Variants in RBM39 observed in about 807,000 individuals in gnomAD.
The protein encoded by RBM39 is RNA binding motif protein 39.
RBM39 carries 12 observed loss-of-function variants against 79.6 expected under a neutral mutation model. The ratio of observed to expected loss-of-function variants is 0.15; its 90% CI spans 0.10 to 0.24. The LOEUF (loss-of-function observed/expected upper bound fraction) is 0.24. Ranked by LOEUF, RBM39 falls within the 10% of genes least tolerant of loss-of-function variation. The pLI, the probability that RBM39 is intolerant of heterozygous loss-of-function variation, is 1.00. For missense variants in RBM39, 243 were observed against 653.4 expected (o/e 0.37, Z 6.85); for synonymous variants, 185 against 208.4 (o/e 0.89, Z 0.97).
rs1035775054 is a variant in RBM39 at position 35,713,217 on chromosome 20, T to C, written c.1097-121A>G. The C allele has an allele frequency of 6.0e-5, 46 of 764,896 alleles. No homozygotes were observed. In the Middle Eastern group the frequency reaches 1.0e-3, roughly 17 times the overall value. 47.4% of individuals were successfully genotyped at this position (764,896 alleles called of 1,614,324 possible). Reference sequence around the variant, plus strand: ...TTGCAAGGAGGGCCGAGTGTGGTGGTTGACGCCTGTAACTTAGCTAGCACT... The same window carrying C: ...TTGCAAGGAGGGCCGAGTGTGGTGGCTGACGCCTGTAACTTAGCTAGCACT... On this transcript the variant is annotated intron_variant, in intron 11 of 16. Coordinates refer to ENST00000253363, the MANE Select transcript of RBM39 (RefSeq NM_184234.3).
chr20:35,730,375 G>A (rs1456676754), intron 4 of RBM39, among the ~76,000 whole-genome samples: 1 of 152,084 alleles, frequency 6.6e-6, no homozygotes, highest in African/African-American at 2.4e-5. Context: ...TAAATACATA[G>A]TGGCCTGTGA....
At chr20:35,711,600 G>T (rs528276545) in intron 12 of RBM39, among the ~76,000 whole-genome samples, 1 of 152,168 alleles carries the variant, frequency 6.6e-6, no homozygotes, top group Non-Finnish European at 1.5e-5. Context: ...ACAATTTATA[G>T]AAAGGAAATG....
intron 4 of RBM39, chr20:35,731,636 A>G (rs902106763): frequency 2.8e-6 from 1 of 358,262 alleles, no homozygotes. Context: ...TTTGGGCACT[A>G]CAATGTCATC....
chr20:35,709,426 A>T, intron 12 of RBM39, 152 bp from the exon 13 acceptor site: 1 of 611,828 alleles, frequency 1.6e-6, no homozygotes, highest in Middle Eastern at 4.3e-4. Flanking sequence ...CTCATTGAGA[A>T]GGCTTTGGGG....
At chr20:35,728,391 CTG>C (rs1331035453) in intron 6 of RBM39, among the ~76,000 whole-genome samples, 4 of 152,168 alleles carry the variant, frequency 2.6e-5, no homozygotes, top group Admixed American at 2.0e-4. Flanking sequence ...CAAAACGTAA[CTG>C]TATTACCCAT....
chr20:35,737,204 G>A (rs949361308), intron 3 of RBM39, among the ~76,000 whole-genome samples: 5 of 151,010 alleles, frequency 3.3e-5, no homozygotes, highest in African/African-American at 4.8e-5. Flanking sequence ...AGCCTGGCCA[G>A]GATGGTGAAT....
intron 3 of RBM39, among the ~76,000 whole-genome samples, chr20:35,733,028 T>C (rs928340683): frequency 9.9e-5 from 15 of 152,258 alleles, no homozygotes; most frequent in Non-Finnish European, 1.9e-4. Flanking sequence ...TGCAGGCCAG[T>C]GCAGTGGCTC....
rs28618332 is a variant in RBM39, at chr20:35,704,641, T to C, written c.1492+27A>G. 797 of 1,611,982 alleles carry C rather than the reference T, an allele frequency of 4.9e-4. 4 individuals are homozygous for C. In the African/African-American group the frequency reaches 9.8e-3, roughly 20 times the overall value. On this transcript the variant is annotated intron_variant, in intron 16 of 16. Transcript: ENST00000253363. ...CTTCATTATAGAGCCTTAATAACAA[T>C]CAGTCAAAAAATAAATTCAAACTCA...
At chr20:35,709,057 T>C (rs1686306758) in intron 13 of RBM39, 167 bp downstream of exon 13, 1 of 500,344 alleles carries the variant, frequency 2.0e-6, no homozygotes, top group Admixed American at 3.8e-5. Flanking sequence ...GGGTTAGGTC[T>C]TCTGAAATAC....
chr20:35,726,399 C>T (rs942068878), intron 6 of RBM39, among the ~76,000 whole-genome samples: 1 of 152,086 alleles, frequency 6.6e-6, no homozygotes, highest in Admixed American at 6.6e-5. Context: ...CAAAAGTACT[C>T]GGATTGTAGG....
At position 35,725,282 on chromosome 20, in the gene RBM39, TC is replaced by T. The variant is rs1233837758; in HGVS notation, c.417-128del. On this transcript the variant is annotated intron_variant, in intron 6 of 16. Coordinates refer to ENST00000253363, the MANE Select transcript of RBM39 (RefSeq NM_184234.3). ...GTGGGTTTTGGTTACATAGATGAGT[TC>T]TTTAATGGTGAATTCTGAGATTTTA... The T allele has an allele frequency of 3.6e-5, 22 of 606,952 alleles. No individual in the cohort carries two copies. The South Asian group carries it at 3.8e-4, about 11-fold the overall frequency. The allele number at this position is 606,952 out of a possible 1,614,324, so 37.6% of individuals were successfully genotyped here.
At chr20:35,707,027 TAAAAAAAA>T (rs58614202) in intron 14 of RBM39, 85 bp downstream of exon 14, 231 of 151,882 alleles carry the variant, frequency 1.5e-3, no homozygotes, top group African/African-American at 8.0e-3. Context: ...AACTCCATCT[TAAAAAAAA>T]AAAAAAAAAA....
At chr20:35,719,289 C>G (rs1169010651) in intron 9 of RBM39, among the ~76,000 whole-genome samples, 1 of 152,116 alleles carries the variant, frequency 6.6e-6, no homozygotes, top group Non-Finnish European at 1.5e-5. Context: ...GACTCGGCCC[C>G]CAAAAGTGCA....
Position 35,724,742 on chromosome 20 carries a change from G to T in RBM39, c.535-20C>A, listed in dbSNP as rs755885356. On this transcript the variant is annotated intron_variant, in intron 7 of 16. Coordinates refer to ENST00000253363, the MANE Select transcript of RBM39 (RefSeq NM_184234.3). ...TCGAACCTAGAAAGAAAACACAGTT[G>T]TTTGTGCAAACATCCATTGTAACAC... 6.2e-7 allele frequency: 1 copy of T among 1,611,174 alleles called. No homozygotes were observed. The highest frequency in any genetic ancestry group is 1.1e-5 in the South Asian group (1 of 90,880).
intron 9 of RBM39, among the ~76,000 whole-genome samples, chr20:35,720,662 T>C (rs1416283076): frequency 1.3e-5 from 2 of 150,412 alleles, no homozygotes; most frequent in East Asian, 1.9e-4. Flanking sequence ...ACCCAACTAC[T>C]CGGAAGGCTA....
Position 35,704,752 on chromosome 20 carries a change from G to C in RBM39, c.1414-6C>G, listed in dbSNP as rs555348753. ...CACTTCACATACACATTGCCCTACA[G>C]AAAAAATGAAAAAAAAGGTAAAGAT... On this transcript the variant is annotated splice_polypyrimidine_tract_variant and splice_region_variant and intron_variant, in intron 15 of 16. Coordinates refer to ENST00000253363, the MANE Select transcript of RBM39 (RefSeq NM_184234.3). 3.7e-6 allele frequency: 6 copies of C among 1,600,344 alleles called. No homozygotes were observed. Among genetic ancestry groups the C allele is most frequent in the Non-Finnish European group, 5.1e-6 (6 of 1,175,628 alleles).
At chr20:35,716,100 C>T (rs1263124079) in intron 10 of RBM39, among the ~76,000 whole-genome samples, 2 of 151,814 alleles carry the variant, frequency 1.3e-5, no homozygotes, top group Non-Finnish European at 2.9e-5. Context: ...GAGTCTTACT[C>T]TGTTGCCCAG....
In RBM39 at chr20:35,703,941, A is replaced by G. The variant is rs1409034635; in HGVS notation, c.*540T>C. 1 of 152,708 alleles carries G rather than the reference A, an allele frequency of 6.5e-6. No homozygotes were observed. The highest frequency in any genetic ancestry group is 1.5e-5 in the Non-Finnish European group (1 of 68,370). 9.5% of individuals were successfully genotyped at this position (152,708 alleles called of 1,614,324 possible). A position where few individuals can be genotyped will look rare whatever the true frequency, so the allele number is the denominator to read the frequency against. ...CAAAGAAACTTTTACAGATACATTA[A>G]TTGAAAAGATACCATCAAGAAATAT... is the stretch of plus-strand genomic sequence containing the variant. On this transcript the variant is annotated 3_prime_UTR_variant, in exon 17 of 17. Coordinates refer to ENST00000253363, the MANE Select transcript of RBM39 (RefSeq NM_184234.3).
Position 35,729,471 on chromosome 20 carries a change from A to G in RBM39, c.353T>C (p.Ile118Thr). The change falls in exon 5 of 17, where the codon ATC (isoleucine) becomes ACC (threonine). Residue 118 changes from isoleucine (I) to threonine (T), a missense_variant. Ile to Thr is a moderately conservative substitution (Grantham distance 89). Around this residue, in one of 4 missense-constraint regions of RBM39, gnomAD observed 115 missense variants for 184.1 expected, o/e 0.62. Transcript: ENST00000253363. ...IRGKIGLPHSIKLSRRRSRSK... is the reference protein window; with the variant it reads ...IRGKIGLPHSTKLSRRRSRSK... ...AAGTATGTTTAAAAACCTTAATTTG[A>G]TGCTATGAGGCAACCCAATCTTTCC... 6.2e-6 allele frequency: 10 copies of G among 1,613,768 alleles called. No homozygotes were observed. Among genetic ancestry groups the G allele is most frequent in the Non-Finnish European group, 7.6e-6 (9 of 1,179,906 alleles).
Sources: allele counts gnomAD v4.1 joint callset (sites outside exome capture counted in the v4.1 genomes callset), GRCh38; gene constraint gnomAD v4.1.1; regional missense constraint gnomAD v4.1.1; transcripts MANE v1.5; gene names NCBI Gene and HGNC (gene_info 2026-07-23, HGNC 2026-07-21).